The following ITGA9 variants were observed in gnomAD, a reference collection of about 807,000 sequenced individuals.
The protein encoded by ITGA9 is integrin alpha-9.
Under a neutral mutation model 127.8 loss-of-function variants are expected in ITGA9, and 56 were observed. That is an observed-to-expected ratio of 0.44 (90% CI 0.35 to 0.55). The LOEUF is 0.55. Ranked by LOEUF, ITGA9 falls within the 20% of genes least tolerant of loss-of-function variation. The pLI is 0.00. For synonymous variants in ITGA9, 508 were observed against 514.5 expected (o/e 0.99, Z 0.17); for missense variants, 1,196 against 1,347.1 (o/e 0.89, Z 1.76).
intron 15 of ITGA9, among the ~76,000 whole-genome samples, chr3:37,559,507 A>G (rs1699465166): frequency 6.6e-6 from 1 of 152,190 alleles, no homozygotes; most frequent in Non-Finnish European, 1.5e-5. Flanking sequence ...CTGTAAATCC[A>G]CTGAGCTGGA....
At chr3:37,506,716 T>C (rs1403462300) in intron 7 of ITGA9, among the ~76,000 whole-genome samples, 1 of 152,190 alleles carries the variant, frequency 6.6e-6, no homozygotes, top group East Asian at 1.9e-4. Context: ...CGCTTGTTGG[T>C]TCTTTATCAT....
At chr3:37,545,948 A>G (rs1395175782) in intron 15 of ITGA9, among the ~76,000 whole-genome samples, 2 of 152,162 alleles carry the variant, frequency 1.3e-5, no homozygotes. Flanking sequence ...CAGAAGTCAG[A>G]GGCCCGGTTT....
chr3:37,738,904 CA>C (rs1164702603), intron 20 of ITGA9, among the ~76,000 whole-genome samples: 3 of 152,204 alleles, frequency 2.0e-5, no homozygotes, highest in Non-Finnish European at 4.4e-5. Context: ...ATAACATGTC[CA>C]CACAGCAGCA....
At position 37,736,899 on chromosome 3, in the gene ITGA9, A is replaced by G. The variant is rs1696368899; in HGVS notation, c.2155-5A>G. The G allele has an allele frequency of 6.2e-7, 1 of 1,605,836 alleles. No homozygotes were observed. Among genetic ancestry groups the G allele is most frequent in the Middle Eastern group, 1.7e-4 (1 of 6,050 alleles). The stretch of plus-strand genomic sequence containing the variant: ...GATGCCAAATACCACTTCCTTTTTC[A>G]CTAGTATGAATTCAGCGTGATCTTT... On this transcript the variant is annotated splice_region_variant and splice_polypyrimidine_tract_variant and intron_variant, in intron 19 of 27. Coordinates refer to ENST00000264741, the MANE Select transcript of ITGA9 (RefSeq NM_002207.3).
chr3:37,575,539 T>A (rs1174430568), intron 15 of ITGA9, among the ~76,000 whole-genome samples: 1 of 152,072 alleles, frequency 6.6e-6, no homozygotes, highest in African/African-American at 2.4e-5. Context: ...CTGGGAAGTG[T>A]GTGCTGTCAT....
intron 18 of ITGA9, among the ~76,000 whole-genome samples, chr3:37,721,485 A>G (rs755698401): frequency 6.6e-6 from 1 of 152,156 alleles, no homozygotes; most frequent in Non-Finnish European, 1.5e-5. Flanking sequence ...TCTGCCTCAA[A>G]CATTTGTTTT....
intron 3 of ITGA9, among the ~76,000 whole-genome samples, chr3:37,480,076 T>C (rs1175276338): frequency 6.6e-6 from 1 of 152,188 alleles, no homozygotes; most frequent in Non-Finnish European, 1.5e-5. Flanking sequence ...GAGTAGTGAA[T>C]GCCCAGGAGA....
At chr3:37,784,471 G>A (rs1158227317) in intron 25 of ITGA9, among the ~76,000 whole-genome samples, 1 of 152,058 alleles carries the variant, frequency 6.6e-6, no homozygotes, top group Admixed American at 6.6e-5. Flanking sequence ...CTCTTTCAAT[G>A]TTTAATGGTT....
At chr3:37,514,420 TGAA>T (rs1393566623) in intron 9 of ITGA9, among the ~76,000 whole-genome samples, 1 of 152,104 alleles carries the variant, frequency 6.6e-6, no homozygotes, top group East Asian at 1.9e-4. Flanking sequence ...TGGGGAATCT[TGAA>T]GAAGGAGTAG....
chr3:37,605,003 C>T (rs1699955167), intron 15 of ITGA9, among the ~76,000 whole-genome samples: 1 of 152,108 alleles, frequency 6.6e-6, no homozygotes, highest in African/African-American at 2.4e-5. Flanking sequence ...ACAGACCTTA[C>T]CGTCTAATAG....
At chr3:37,738,214 GC>G in intron 20 of ITGA9, among the ~76,000 whole-genome samples, 1 of 152,354 alleles carries the variant, frequency 6.6e-6, no homozygotes, top group East Asian at 1.9e-4. Context: ...CCTATGCAAA[GC>G]ATAGATAGGG....
intron 26 of ITGA9, among the ~76,000 whole-genome samples, chr3:37,787,557 C>G (rs1029704343): frequency 6.6e-6 from 1 of 152,166 alleles, no homozygotes; most frequent in African/African-American, 2.4e-5. Context: ...TCCCTCCTTT[C>G]CATGACTTTG....
chr3:37,649,585 G>T (rs759937752), intron 16 of ITGA9, among the ~76,000 whole-genome samples: 2 of 152,166 alleles, frequency 1.3e-5, no homozygotes, highest in Non-Finnish European at 1.5e-5. Context: ...TGACAGATCT[G>T]CAAGGAGAAA....
chr3:37,777,572 C>T (rs1414212029), intron 24 of ITGA9, 55 bp downstream of exon 24: 1 of 1,582,598 alleles, frequency 6.3e-7, no homozygotes, highest in East Asian at 2.2e-5. Flanking sequence ...TCGGAAGACA[C>T]CAGTTTTCTA....
At chr3:37,641,724 C>T (rs1341882269) in intron 16 of ITGA9, among the ~76,000 whole-genome samples, 13 of 152,188 alleles carry the variant, frequency 8.5e-5, no homozygotes, top group South Asian at 4.1e-4. Context: ...CAGTGGGGCT[C>T]CTGCCTCGCC....
intron 15 of ITGA9, among the ~76,000 whole-genome samples, chr3:37,622,979 T>A (rs539552081): frequency 7.2e-5 from 11 of 152,322 alleles, no homozygotes; most frequent in African/African-American, 2.4e-4. Flanking sequence ...GTGTCCTGTA[T>A]GTCTGTTATG....
intron 18 of ITGA9, among the ~76,000 whole-genome samples, chr3:37,696,940 T>C (rs929543901): frequency 1.3e-5 from 2 of 152,254 alleles, no homozygotes; most frequent in East Asian, 3.9e-4. Flanking sequence ...GGATATGCAT[T>C]TTAACAAGAT....
intron 18 of ITGA9, among the ~76,000 whole-genome samples, chr3:37,707,899 T>G (rs1233975858): frequency 6.6e-6 from 1 of 151,656 alleles, no homozygotes; most frequent in African/African-American, 2.4e-5. Context: ...GCAAAGGGGG[T>G]GGGTGAGTGA....
intron 17 of ITGA9, among the ~76,000 whole-genome samples, chr3:37,682,248 T>C (rs1156586174): frequency 6.6e-6 from 1 of 152,210 alleles, no homozygotes; most frequent in Non-Finnish European, 1.5e-5. Flanking sequence ...TCTCTGAAAC[T>C]CTCTCCAGTT....
Sources: gnomAD v4.1 joint callset for allele counts (sites outside exome capture counted in the v4.1 genomes callset) on GRCh38, gnomAD v4.1.1 for gene constraint, MANE v1.5 for transcripts, NCBI Gene and HGNC (gene_info 2026-07-23, HGNC 2026-07-21) for gene names.